The following YJU2B variants were observed in gnomAD, a reference collection of about 807,000 sequenced individuals.
The protein encoded by YJU2B is probable splicing factor YJU2B.
In YJU2B, 18 loss-of-function variants were observed where a neutral mutation model predicts 38.0. The observed-to-expected ratio is 0.47, with a 90% CI of 0.33 to 0.70. YJU2B has a LOEUF of 0.70. Ranked by LOEUF, YJU2B falls within the 30% of genes least tolerant of loss-of-function variation. The probability of loss-of-function intolerance (pLI) is 0.02; values close to 1 mark genes in which losing one functional copy is unlikely to be tolerated. For missense variants in YJU2B, 538 were observed against 556.3 expected (o/e 0.97, Z 0.33); for synonymous variants, 246 against 225.4 (o/e 1.09, Z -0.82).
intron 1 of YJU2B, among the ~76,000 whole-genome samples, chr19:13,749,912 C>T (rs1302067061): frequency 6.6e-6 from 1 of 152,088 alleles, no homozygotes; most frequent in African/African-American, 2.4e-5. Context: ...GGATTACAGG[C>T]GTGAAGAACT....
chr19:13,751,409 A>G (rs2145131581), intron 1 of YJU2B, among the ~76,000 whole-genome samples, 199 bp from the exon 2 acceptor site: 1 of 152,240 alleles, frequency 6.6e-6, no homozygotes, highest in Admixed American at 6.5e-5. Context: ...GCGAGACTCC[A>G]TCTCAAAAAA....
chr19:13,743,297 A>C (rs1442530711), upstream of YJU2B, among the ~76,000 whole-genome samples: 2 of 152,232 alleles, frequency 1.3e-5, no homozygotes, highest in Non-Finnish European at 2.9e-5. Context: ...TTAAACATCT[A>C]GGCAGGGCAC....
chr19:13,757,927 G>T (rs1973731807), intron 6 of YJU2B, 81 bp downstream of exon 6: 1 of 1,253,680 alleles, frequency 8.0e-7, no homozygotes, highest in African/African-American at 1.5e-5. Flanking sequence ...GAGTTGCGGG[G>T]GGAACCCATT....
At chr19:13,748,609 C>T (rs1973339456) in intron 1 of YJU2B, among the ~76,000 whole-genome samples, 2 of 152,194 alleles carry the variant, frequency 1.3e-5, no homozygotes, top group South Asian at 4.1e-4. Context: ...GGAGTATTTG[C>T]TCTTTGCAGG....
chr19:13,735,970 T>A (rs1284766242), intron 2 of YJU2B, among the ~76,000 whole-genome samples: 11 of 150,360 alleles, frequency 7.3e-5, no homozygotes, highest in Non-Finnish European at 1.5e-4. Context: ...GAGAATGGCA[T>A]GAACCTGGGA....
chr19:13,745,746 T>G (rs1000948298), upstream of YJU2B, among the ~76,000 whole-genome samples: 3 of 142,394 alleles, frequency 2.1e-5, no homozygotes, highest in African/African-American at 8.1e-5. Flanking sequence ...TATATATAGA[T>G]ATATATATAT....
chr19:13,758,172 C>A (rs567612688), intron 6 of YJU2B, among the ~76,000 whole-genome samples: 1 of 152,208 alleles, frequency 6.6e-6, no homozygotes, highest in Non-Finnish European at 1.5e-5. Context: ...TGTGCTTCCA[C>A]CTGGAATGCT....
upstream of YJU2B, among the ~76,000 whole-genome samples, chr19:13,744,530 T>C (rs570517385): frequency 3.8e-4 from 58 of 152,212 alleles, no homozygotes; most frequent in Non-Finnish European, 6.8e-4. Context: ...AAGTTACTTA[T>C]TTACTTCTCA....
At chr19:13,739,519 G>A (rs949183096) in intron 2 of YJU2B, among the ~76,000 whole-genome samples, 9 of 152,116 alleles carry the variant, frequency 5.9e-5, no homozygotes, top group South Asian at 2.1e-4. Context: ...ACACTCCCTC[G>A]GTTTGTTAAA....
At chr19:13,752,274 C>T (rs1973498198) in intron 2 of YJU2B, among the ~76,000 whole-genome samples, 1 of 122,028 alleles carries the variant, frequency 8.2e-6, no homozygotes, top group Non-Finnish European at 1.7e-5. Flanking sequence ...TTCTTTCTTT[C>T]ATTTTTTTTT....
chr19:13,745,890 G>A (rs1389409119), upstream of YJU2B, among the ~76,000 whole-genome samples: 1 of 151,886 alleles, frequency 6.6e-6, no homozygotes, highest in African/African-American at 2.4e-5. Flanking sequence ...CAGACATATA[G>A]CAGGTGTCCA....
intron 1 of YJU2B, 137 bp downstream of exon 1, chr19:13,748,091 G>C (rs1973318680): frequency 6.6e-6 from 1 of 152,240 alleles, no homozygotes; most frequent in Admixed American, 6.5e-5. Flanking sequence ...CCCGGAGCCG[G>C]CCCAGGTCCC....
intron 2 of YJU2B, among the ~76,000 whole-genome samples, chr19:13,742,459 T>C (rs1973121203): frequency 6.6e-6 from 1 of 152,232 alleles, no homozygotes; most frequent in Non-Finnish European, 1.5e-5. Flanking sequence ...TCACATTTTA[T>C]ATGGCTCCCA....
chr19:13,762,210 C>A, intron 8 of YJU2B, 89 bp from the exon 9 acceptor site: 1 of 1,443,232 alleles, frequency 6.9e-7, no homozygotes, highest in Non-Finnish European at 9.4e-7. Context: ...GTAAATGAGA[C>A]CCCGAGAGTT....
intron 2 of YJU2B, among the ~76,000 whole-genome samples, chr19:13,738,037 C>G (rs1253072539): frequency 6.6e-6 from 1 of 152,116 alleles, no homozygotes; most frequent in African/African-American, 2.4e-5. Context: ...ATCCCAGTAG[C>G]CATTGGGTTC....
chr19:13,744,020 G>A (rs757864718), upstream of YJU2B, among the ~76,000 whole-genome samples: 2 of 151,988 alleles, frequency 1.3e-5, no homozygotes, highest in Admixed American at 6.6e-5. Context: ...GTGAAACCTC[G>A]TCTCTACTAT....
chr19:13,739,308 G>A (rs1156905976), intron 2 of YJU2B, among the ~76,000 whole-genome samples: 1 of 151,992 alleles, frequency 6.6e-6, no homozygotes, highest in Non-Finnish European at 1.5e-5. Flanking sequence ...ACCACACCCA[G>A]CTGACATATT....
Position 13,755,447 on chromosome 19 carries a change from G to A in YJU2B, c.58-750G>A, listed in dbSNP as rs1279570450. Among the ~76,000 whole-genome samples, 11 of 138,658 alleles carry A rather than the reference G, an allele frequency of 7.9e-5. No individual in the cohort carries two copies. In the South Asian group the frequency reaches 1.4e-3, roughly 17 times the overall value. 91.0% of individuals were successfully genotyped at this position (138,658 alleles called of 152,430 possible). A position where few individuals can be genotyped will look rare whatever the true frequency, so the allele number is the denominator to read the frequency against. On this transcript the variant is annotated intron_variant, in intron 3 of 9. Coordinates refer to ENST00000221554, the MANE Select transcript of YJU2B (RefSeq NM_030818.4). The stretch of plus-strand genomic sequence containing the variant: ...CTGCACTCCAGCCTAGTGACAGAGC[G>A]AGACTCTGTCTCAAAAAAAAAAAAA...
chr19:13,753,475 G>A (rs1973546346), intron 2 of YJU2B, among the ~76,000 whole-genome samples: 2 of 151,158 alleles, frequency 1.3e-5, no homozygotes, highest in Admixed American at 1.3e-4. Context: ...TCGGGAGGCT[G>A]AGGCAGGAGA....
Sources: allele counts gnomAD v4.1 joint callset (sites outside exome capture counted in the v4.1 genomes callset), GRCh38; gene constraint gnomAD v4.1.1; transcripts MANE v1.5; gene names NCBI Gene and HGNC (gene_info 2026-07-23, HGNC 2026-07-21).